VPS13D: variants seen among roughly 807,000 people sequenced by gnomAD.
The protein encoded by VPS13D is intermembrane lipid transfer protein VPS13D.
Under a neutral mutation model 461.9 loss-of-function variants are expected in VPS13D, and 187 were observed. The observed-to-expected ratio is 0.40, with a 90% CI of 0.36 to 0.46. VPS13D has a LOEUF of 0.46. VPS13D is among the 20% of genes least tolerant of loss of function. The pLI, the probability that VPS13D is intolerant of heterozygous loss-of-function variation, is 0.60. For synonymous variants in VPS13D, 1,951 were observed against 1,986.3 expected (o/e 0.98, Z 0.47); for missense variants, 4,711 against 5,364.9 (o/e 0.88, Z 3.81).
chr1:12,329,548 C>T (rs1055569077), intron 36 of VPS13D, among the ~76,000 whole-genome samples: 28 of 152,196 alleles, frequency 1.8e-4, no homozygotes, highest in African/African-American at 6.8e-4. Context: ...GCTTCAGGTA[C>T]ACCTGGGTGC....
At chr1:12,354,541 A>C (rs2101600218) in intron 47 of VPS13D, among the ~76,000 whole-genome samples, 1 of 152,312 alleles carries the variant, frequency 6.6e-6, no homozygotes, top group Non-Finnish European at 1.5e-5. Flanking sequence ...CTCTTAAAAA[A>C]AAAGAACTTA....
rs552410344 is a variant in VPS13D, at chr1:12,482,777, ATACATAG to A, written c.12663-14720_12663-14714del. On this transcript the variant is annotated intron_variant, in intron 67 of 69. Transcript: ENST00000620676. The stretch of plus-strand genomic sequence containing the variant: ...ATGTATACATAGTATACATATATGT[ATACATAG>A]TATACATATATATATACTAGTATAT... Among the ~76,000 whole-genome samples the A allele has an allele frequency of 5.1e-3, 760 of 150,178 alleles. 3 individuals carry two copies. Among genetic ancestry groups the A allele is most frequent in the African/African-American group, 0.018 (726 of 40,942 alleles).
At chr1:12,396,064 A>G (rs1644495299) in intron 60 of VPS13D, among the ~76,000 whole-genome samples, 3 of 141,968 alleles carry the variant, frequency 2.1e-5, no homozygotes, top group Non-Finnish European at 4.5e-5. Context: ...TAAGCCTCTA[A>G]CCAGTCTGAG....
chr1:12,263,414 A>G (rs1470126656), intron 13 of VPS13D, among the ~76,000 whole-genome samples: 1 of 152,222 alleles, frequency 6.6e-6, no homozygotes, highest in Non-Finnish European at 1.5e-5. Flanking sequence ...GAGTGTCTGA[A>G]TGACAGAGTG....
intron 2 of VPS13D, among the ~76,000 whole-genome samples, chr1:12,240,710 A>AT (rs200750761): frequency 2.1e-5 from 3 of 143,538 alleles, no homozygotes; most frequent in Non-Finnish European, 3.0e-5. Context: ...ATGTTTCATG[A>AT]TTTTTTTTTC....
At chr1:12,418,350 A>T in intron 65 of VPS13D, among the ~76,000 whole-genome samples, 1 of 151,948 alleles carries the variant, frequency 6.6e-6, no homozygotes, top group East Asian at 1.9e-4. Flanking sequence ...GCATCATAAA[A>T]CCTCATAGTG....
chr1:12,503,421 C>T (rs888026759), intron 68 of VPS13D, among the ~76,000 whole-genome samples: 2 of 151,894 alleles, frequency 1.3e-5, no homozygotes, highest in East Asian at 1.9e-4. Context: ...TGGGCTCCAG[C>T]GATCCTCCCA....
intron 60 of VPS13D, among the ~76,000 whole-genome samples, chr1:12,392,196 A>G (rs1016295986): frequency 4.6e-5 from 7 of 152,146 alleles, no homozygotes; most frequent in African/African-American, 1.7e-4. Context: ...ATAAATGACT[A>G]TATTAAGATC....
Position 12,415,239 on chromosome 1 carries a change from A to T in VPS13D, c.12165+18A>T. The T allele has an allele frequency of 6.2e-7, 1 of 1,613,874 alleles. No homozygotes were observed. Among genetic ancestry groups the T allele is most frequent in the Non-Finnish European group, 8.5e-7 (1 of 1,179,878 alleles). On this transcript the variant is annotated intron_variant, in intron 64 of 69. Transcript: ENST00000620676. Reference sequence around the variant, plus strand: ...TCCAGGAGGTGAGGCTTGGAGAAGTAATCATTGGCTGGAGCATAAGCAGAA... The same window carrying T: ...TCCAGGAGGTGAGGCTTGGAGAAGTTATCATTGGCTGGAGCATAAGCAGAA...
At chr1:12,422,862 T>C (rs1336846594) in intron 65 of VPS13D, among the ~76,000 whole-genome samples, 1 of 152,072 alleles carries the variant, frequency 6.6e-6, no homozygotes, top group Non-Finnish European at 1.5e-5. Flanking sequence ...TTTTTTTTTT[T>C]TTTCTTACAG....
intron 16 of VPS13D, among the ~76,000 whole-genome samples, chr1:12,270,136 C>T (rs1641394151): frequency 6.6e-6 from 1 of 151,810 alleles, no homozygotes; most frequent in South Asian, 2.1e-4. Flanking sequence ...GCCTGGGCAA[C>T]ACAGCAAGAC....
At chr1:12,232,220 G>A (rs1056417737) in intron 1 of VPS13D, among the ~76,000 whole-genome samples, 1 of 151,824 alleles carries the variant, frequency 6.6e-6, no homozygotes, top group Non-Finnish European at 1.5e-5. Context: ...TCTTTTTGCT[G>A]TCACTGTTGA....
intron 67 of VPS13D, chr1:12,464,862 T>C (rs886388868): frequency 6.6e-6 from 1 of 152,268 alleles, no homozygotes; most frequent in South Asian, 2.1e-4. Flanking sequence ...AACGTTCTGC[T>C]GGCTCAGGTT....
intron 67 of VPS13D, among the ~76,000 whole-genome samples, chr1:12,466,184 A>T (rs1483261765): frequency 6.6e-6 from 1 of 152,150 alleles, no homozygotes; most frequent in East Asian, 1.9e-4. Flanking sequence ...TGCTTCCATT[A>T]ACTTTTTCAT....
At position 12,373,770 on chromosome 1, in the gene VPS13D, G is replaced by C. The variant is rs1360347860; in HGVS notation, c.10829G>C (p.Arg3610Thr). Residue 3610 changes from arginine (R) to threonine (T), a missense_variant, in exon 55 of 70, where the codon AGG (arginine) becomes ACG (threonine). By Grantham distance (71) the Arg-to-Thr change is moderately conservative. Transcript: ENST00000620676. ...TCTAGCTTGCAGGAGGGAACAGGCA[G>C]GCCTGTGGCTTCCAACAAGGCCATT... ...TFSGLQEGTG[R>T]PVASNKAITC... 3 of 1,554,952 alleles carry C rather than the reference G, an allele frequency of 1.9e-6. No homozygotes were observed. The highest frequency in any genetic ancestry group is 2.6e-6 in the Non-Finnish European group (3 of 1,155,128).
intron 44 of VPS13D, among the ~76,000 whole-genome samples, 170 bp from the exon 45 acceptor site, chr1:12,348,653 G>A (rs1304830350): frequency 6.6e-6 from 1 of 151,944 alleles, no homozygotes; most frequent in Non-Finnish European, 1.5e-5. Flanking sequence ...ACAGTGTATA[G>A]GATGTTTACT....
Position 12,276,539 on chromosome 1 carries a change from A to G in VPS13D, c.2951A>G (p.Asn984Ser), listed in dbSNP as rs1432484281. ...TCTGTGCTCAAGGTGTTTGGTACCAATGCTCACTTTGTGAAGAGGCCTTAT... is the reference window on the plus strand; with the variant it reads ...TCTGTGCTCAAGGTGTTTGGTACCAGTGCTCACTTTGTGAAGAGGCCTTAT... ...YISVLKVFGT[N>S]AHFVKRPYDA... The change falls in exon 19 of 70, where the codon AAT becomes AGT. Residue 984 changes from asparagine (N) to serine (S), a missense_variant. This residue lies in a region of VPS13D where 4,411 missense variants were observed against 4,937.8 expected (regional missense o/e 0.89). Coordinates refer to ENST00000620676, the MANE Select transcript of VPS13D (RefSeq NM_015378.4). The surrounding 1 kb of genome is among the most constrained non-coding windows in gnomAD (Gnocchi z 4.5). The G allele has an allele frequency of 1.1e-5, 18 of 1,614,168 alleles. No individual in the cohort carries two copies. The highest frequency in any genetic ancestry group is 1.2e-5 in the Non-Finnish European group (14 of 1,180,034).
chr1:12,402,772 A>G (rs1282516565), intron 62 of VPS13D: 1 of 152,206 alleles, frequency 6.6e-6, no homozygotes, highest in Non-Finnish European at 1.5e-5. Context: ...CTTTTCTTGT[A>G]AATTTTCTTA....
chr1:12,390,651 T>C (rs1644412688), intron 60 of VPS13D, among the ~76,000 whole-genome samples: 1 of 152,132 alleles, frequency 6.6e-6, no homozygotes, highest in Non-Finnish European at 1.5e-5. Flanking sequence ...AGAGGTACAA[T>C]ATAATCAACC....
Sources: allele counts gnomAD v4.1 joint callset (sites outside exome capture counted in the v4.1 genomes callset), GRCh38; gene constraint gnomAD v4.1.1; regional missense constraint gnomAD v4.1.1; non-coding constraint Gnocchi (gnomAD v3.1); transcripts MANE v1.5; gene names NCBI Gene and HGNC (gene_info 2026-07-23, HGNC 2026-07-21).